Variants in CACNA1A observed in about 807,000 individuals in gnomAD.
CACNA1A encodes voltage-dependent P/Q-type calcium channel subunit alpha-1A.
A neutral mutation model predicts 262.4 loss-of-function variants in CACNA1A; 57 were observed. That is an observed-to-expected ratio of 0.22 (90% CI 0.18 to 0.27). The LOEUF is 0.27. Ranked by LOEUF, CACNA1A falls within the 10% of genes least tolerant of loss-of-function variation. The pLI is 1.00. For synonymous variants in CACNA1A, 1,431 were observed against 1,419.3 expected (o/e 1.01, Z -0.18); for missense variants, 2,526 against 3,562.8 (o/e 0.71, Z 7.41).
intron 6 of CACNA1A, among the ~76,000 whole-genome samples, chr19:13,356,068 G>A (rs909104645): frequency 6.6e-6 from 1 of 152,166 alleles, no homozygotes; most frequent in Admixed American, 6.6e-5. Flanking sequence ...TGTGGAAAGT[G>A]CTAGAAAGCT....
At chr19:13,446,960 G>A (rs1231709252) in intron 3 of CACNA1A, among the ~76,000 whole-genome samples, 1 of 151,992 alleles carries the variant, frequency 6.6e-6, no homozygotes, top group Admixed American at 6.6e-5. Flanking sequence ...ACAGCACCTT[G>A]GAATTTGGAG....
intron 3 of CACNA1A, among the ~76,000 whole-genome samples, chr19:13,383,380 GGAA>G (rs750643486): frequency 2.0e-5 from 3 of 152,136 alleles, no homozygotes; most frequent in Non-Finnish European, 2.9e-5. Context: ...GGAAGATGGA[GGAA>G]GAAGGTTTCA....
intron 1 of CACNA1A, among the ~76,000 whole-genome samples, chr19:13,490,245 T>C (rs2145123000): frequency 1.3e-5 from 2 of 152,308 alleles, no homozygotes; most frequent in South Asian, 4.1e-4. Flanking sequence ...ACACTGCTTA[T>C]CTTATAGATG....
intron 3 of CACNA1A, among the ~76,000 whole-genome samples, chr19:13,428,788 A>G (rs1422259): frequency 0.24 from 36,572 of 151,886 alleles, 4,676 homozygotes; most frequent in East Asian, 0.39. Context: ...GTCACAGCCA[A>G]TCACGTAGAC....
chr19:13,381,235 A>G (rs1599331200), intron 3 of CACNA1A, among the ~76,000 whole-genome samples: 1 of 152,126 alleles, frequency 6.6e-6, no homozygotes, highest in East Asian at 1.9e-4. Context: ...AAAAAATAAT[A>G]ACAATTAAAA....
chr19:13,317,944 A>G (rs369557298), intron 10 of CACNA1A, among the ~76,000 whole-genome samples: 2 of 152,306 alleles, frequency 1.3e-5, no homozygotes, highest in South Asian at 2.1e-4. Context: ...AGTGGACGTA[A>G]TAAGTAAATT....
At chr19:13,367,770 G>A (rs1165678314) in intron 4 of CACNA1A, among the ~76,000 whole-genome samples, 2 of 152,004 alleles carry the variant, frequency 1.3e-5, no homozygotes, top group Admixed American at 6.6e-5. Flanking sequence ...GGGACACAGT[G>A]GAACAGAAGA....
At chr19:13,422,772 C>G (rs1411276996) in intron 3 of CACNA1A, among the ~76,000 whole-genome samples, 1 of 152,192 alleles carries the variant, frequency 6.6e-6, no homozygotes, top group Admixed American at 6.5e-5. Context: ...ACCCTGGACA[C>G]CAAGGCTCAG....
rs556709130 is a variant in CACNA1A, at chr19:13,388,971, C to T, written c.540-17192G>A. On this transcript the variant is annotated intron_variant, in intron 3 of 46. Coordinates refer to ENST00000360228, the MANE Select transcript of CACNA1A (RefSeq NM_001127222.2). ...AGGCTGGAGTGCAGTGGCACGATGT[C>T]GGCTCACTGCAACCTCTGCCTCCTG... Among the ~76,000 whole-genome samples the T allele has an allele frequency of 1.1e-4, 17 of 152,200 alleles. No individual in the cohort carries two copies. In the East Asian group the frequency reaches 2.5e-3, roughly 23 times the overall value.
intron 28 of CACNA1A, among the ~76,000 whole-genome samples, chr19:13,255,701 TTCCTTCCCTCCCTCCC>T (rs1568466231): frequency 1.5e-5 from 1 of 65,894 alleles, no homozygotes; most frequent in African/African-American, 6.3e-5. Flanking sequence ...TCCTCCCTCC[TTCCTTCCCTCCCTCCC>T]TCCTTCTCTC....
chr19:13,261,796 T>C, intron 25 of CACNA1A, 186 bp from the exon 26 acceptor site: 1 of 577,258 alleles, frequency 1.7e-6, no homozygotes, highest in Non-Finnish European at 3.1e-6. Context: ...TTGGACTCAA[T>C]CCTGGCATTC....
intron 10 of CACNA1A, among the ~76,000 whole-genome samples, chr19:13,326,315 A>AAAAAAAAAG (rs1300661803): frequency 2.7e-5 from 4 of 146,382 alleles, no homozygotes; most frequent in African/African-American, 1.1e-4. Flanking sequence ...ACTCCATCTC[A>AAAAAAAAAG]AAAAAAAAGA....
Position 13,212,287 on chromosome 19 carries a change from A to G in CACNA1A, c.6190-71T>C. ...CCAGATCCCTGGTGTCTGCAGAGGG[A>G]GGGAGCTGCAGGTGTGTGTGTGTGG... On this transcript the variant is annotated intron_variant, in intron 42 of 46. Coordinates refer to ENST00000360228, the MANE Select transcript of CACNA1A (RefSeq NM_001127222.2). The surrounding 1 kb of genome is among the most constrained non-coding windows in gnomAD (Gnocchi z 5.6). 1 of 1,561,096 alleles carries G rather than the reference A, an allele frequency of 6.4e-7. No homozygotes were observed. The highest frequency in any genetic ancestry group is 8.8e-7 in the Non-Finnish European group (1 of 1,134,834).
intron 3 of CACNA1A, among the ~76,000 whole-genome samples, chr19:13,401,835 C>G (rs1193257440): frequency 1.3e-5 from 2 of 152,100 alleles, no homozygotes; most frequent in Admixed American, 6.6e-5. Context: ...TCACCAGTTT[C>G]ACTTTATTAT....
chr19:13,330,331 G>C lies in CACNA1A; in HGVS notation c.1258C>G (p.Leu420Val). 6.4e-7 allele frequency: 1 copy of C among 1,559,504 alleles called. No individual in the cohort carries two copies. The highest frequency in any genetic ancestry group is 8.7e-7 in the Non-Finnish European group (1 of 1,150,518). The change falls in exon 10 of 47, where the codon CTG (leucine) becomes GTG (valine). Residue 420 changes from leucine (L) to valine (V), a missense_variant and splice_region_variant. Coordinates refer to ENST00000360228, the MANE Select transcript of CACNA1A (RefSeq NM_001127222.2). Reference protein sequence around the residue: ...DGEQRHPFDALRRTTIKKSKT... With the variant: ...DGEQRHPFDAVRRTTIKKSKT... ...CTTTTCTTTATGGTGGTTCTCCGCAGAGCTCCAACAATGGAAACATGGCAA... is the reference window on the plus strand; with the variant it reads ...CTTTTCTTTATGGTGGTTCTCCGCACAGCTCCAACAATGGAAACATGGCAA...
rs1305388052 is a variant in CACNA1A at position 13,376,755 on chromosome 19, T to TTATATGTGACATATATAACACATAA, written c.540-5001_540-4977dup. 6.1e-5 allele frequency among the ~76,000 whole-genome samples: 9 copies of TTATATGTGACATATATAACACATAA among 147,072 alleles called. 1 individual carries two copies. The highest frequency in any genetic ancestry group is 3.4e-4 in the Admixed American group (5 of 14,508). On this transcript the variant is annotated intron_variant, in intron 3 of 46. Transcript: ENST00000360228. Reference sequence around the variant, plus strand: ...TATATGATATATATAACACAATATGTTATATGTGACATATATAACACATAA... The same window carrying TTATATGTGACATATATAACACATAA: ...TATATGATATATATAACACAATATGTTATATGTGACATATATAACACATAATATATGTGACATATATAACACATAA...
intron 38 of CACNA1A, among the ~76,000 whole-genome samples, chr19:13,215,508 G>A (rs1290123184): frequency 1.3e-4 from 19 of 150,878 alleles, no homozygotes; most frequent in African/African-American, 3.4e-4. Flanking sequence ...TAGTAGAGAC[G>A]GGGTTTCACC....
chr19:13,247,343 G>C (rs895527401), intron 30 of CACNA1A, among the ~76,000 whole-genome samples: 1 of 152,210 alleles, frequency 6.6e-6, no homozygotes, highest in Non-Finnish European at 1.5e-5. Flanking sequence ...GCTGAGCATG[G>C]AATATACAGT....
At chr19:13,478,603 T>C (rs949890311) in intron 1 of CACNA1A, among the ~76,000 whole-genome samples, 4 of 152,154 alleles carry the variant, frequency 2.6e-5, no homozygotes, top group African/African-American at 9.7e-5. Flanking sequence ...AAGCGTGAGC[T>C]ACCACACCTG....
Sources: gnomAD v4.1 joint callset for allele counts (sites outside exome capture counted in the v4.1 genomes callset) on GRCh38, gnomAD v4.1.1 for gene constraint, Gnocchi (gnomAD v3.1) non-coding constraint, MANE v1.5 for transcripts, NCBI Gene and HGNC (gene_info 2026-07-23, HGNC 2026-07-21) for gene names.